The following TTC23 variants were observed in gnomAD, a reference collection of about 807,000 sequenced individuals.
TTC23 encodes tetratricopeptide repeat domain 23.
Under a neutral mutation model 55.1 loss-of-function variants are expected in TTC23, and 58 were observed. The observed-to-expected ratio is 1.05, with a 90% CI of 0.85 to 1.31. The LOEUF (loss-of-function observed/expected upper bound fraction) is 1.31, where lower values mean the gene tolerates loss of function less well. Among genes scored for constraint, TTC23 ranks in the 50% most tolerant of loss-of-function variants. The probability of loss-of-function intolerance (pLI) is 0.00; values close to 1 mark genes in which losing one functional copy is unlikely to be tolerated. For synonymous variants in TTC23, 203 were observed against 199.9 expected, an observed-to-expected ratio of 1.02 and a Z score of -0.13; for missense variants, 516 against 534.4, an observed-to-expected ratio of 0.97 and a Z score of 0.34.
chr15:99,244,137 A>C (rs1024055137), intron 2 of TTC23, among the ~76,000 whole-genome samples: 1 of 152,206 alleles, frequency 6.6e-6, no homozygotes, highest in Non-Finnish European at 1.5e-5. Flanking sequence ...ATTAAAAATT[A>C]AAAAACAAAA....
chr15:99,162,130 G>A (rs953021435), intron 10 of TTC23, among the ~76,000 whole-genome samples: 3 of 152,114 alleles, frequency 2.0e-5, no homozygotes, highest in African/African-American at 7.2e-5. Context: ...TGCAAAAGAA[G>A]AAACTATGCC....
intron 9 of TTC23, among the ~76,000 whole-genome samples, chr15:99,183,612 T>C (rs2074381223): frequency 6.6e-6 from 1 of 151,312 alleles, no homozygotes; most frequent in Non-Finnish European, 1.5e-5. Context: ...GTGCTGGGAT[T>C]ACAAGCATGA....
chr15:99,179,839 C>T (rs948642585), intron 9 of TTC23, among the ~76,000 whole-genome samples: 2 of 152,310 alleles, frequency 1.3e-5, no homozygotes, highest in South Asian at 2.1e-4. Flanking sequence ...GATTGAGAAC[C>T]ACAGCACATG....
At chr15:99,182,781 A>C (rs905063542) in intron 9 of TTC23, among the ~76,000 whole-genome samples, 2 of 152,010 alleles carry the variant, frequency 1.3e-5, no homozygotes, top group African/African-American at 4.8e-5. Flanking sequence ...CTTGATTTTT[A>C]AAAAACAAAG....
chr15:99,240,974 A>G (rs1257623382), intron 3 of TTC23, among the ~76,000 whole-genome samples: 1 of 152,168 alleles, frequency 6.6e-6, no homozygotes, highest in East Asian at 1.9e-4. Context: ...CTTTAAATGT[A>G]TGTGTTTCAA....
chr15:99,200,139 GA>G (rs774241128), intron 8 of TTC23, 43 bp from the exon 9 acceptor site: 3 of 1,447,608 alleles, frequency 2.1e-6, no homozygotes, highest in Non-Finnish European at 1.8e-6. Flanking sequence ...AATTAAAATA[GA>G]AAATACTGAA....
rs1354634824 is a variant in TTC23, at chr15:99,154,382, C to A, written c.1143+1766G>T. On this transcript the variant is annotated intron_variant, in intron 12 of 13. Transcript: ENST00000394132. ...TGGAAACTTAATCCAAAATGCAACA[C>A]CGTTGAGAGATGCAGCCTAATGAGA... Among the ~76,000 whole-genome samples, 41 of 152,158 alleles carry A rather than the reference C, an allele frequency of 2.7e-4. 2 individuals carry two copies. The highest frequency in any genetic ancestry group is 2.0e-3 in the Admixed American group (31 of 15,274).
intron 9 of TTC23, among the ~76,000 whole-genome samples, chr15:99,177,801 C>T (rs2073733665): frequency 6.6e-6 from 1 of 152,140 alleles, no homozygotes; most frequent in African/African-American, 2.4e-5. Flanking sequence ...TCAATAATTA[C>T]ATGTTCTGAA....
chr15:99,167,541 G>T (rs2072297101), intron 10 of TTC23, among the ~76,000 whole-genome samples: 1 of 152,074 alleles, frequency 6.6e-6, no homozygotes, highest in Non-Finnish European at 1.5e-5. Context: ...GTGGTTTGAT[G>T]TCTCTCCAGA....
intron 4 of TTC23, among the ~76,000 whole-genome samples, chr15:99,233,180 G>A (rs1054044753): frequency 6.6e-6 from 1 of 152,190 alleles, no homozygotes; most frequent in Non-Finnish European, 1.5e-5. Flanking sequence ...GGTGACTACT[G>A]TATTGTTTCC....
At chr15:99,188,076 A>G (rs2074892665) in intron 9 of TTC23, among the ~76,000 whole-genome samples, 1 of 152,092 alleles carries the variant, frequency 6.6e-6, no homozygotes, top group African/African-American at 2.4e-5. Flanking sequence ...TAATAGCCCA[A>G]AACTGGAAGC....
chr15:99,157,753 A>C (rs2151886195), intron 11 of TTC23: 1 of 152,328 alleles, frequency 6.6e-6, no homozygotes, highest in East Asian at 1.9e-4. Context: ...AAAATTATGA[A>C]TTGGTCAGGA....
chr15:99,145,430 TTGG>T (rs2068729737), intron 12 of TTC23: 1 of 152,042 alleles, frequency 6.6e-6, no homozygotes, highest in African/African-American at 2.4e-5. Context: ...CCGGAGGGCC[TTGG>T]TGGTGGTCGA....
intron 4 of TTC23, among the ~76,000 whole-genome samples, chr15:99,231,319 G>A (rs1399125113): frequency 6.6e-6 from 1 of 152,124 alleles, no homozygotes; most frequent in African/African-American, 2.4e-5. Context: ...CCTCAGGCAG[G>A]TCCTTCAAGA....
intron 8 of TTC23, among the ~76,000 whole-genome samples, chr15:99,208,785 A>T: frequency 6.6e-6 from 1 of 152,252 alleles, no homozygotes; most frequent in East Asian, 1.9e-4. Flanking sequence ...ACTAAATTAT[A>T]GTCTTACATC....
chr15:99,231,879 A>G (rs1359834974), intron 4 of TTC23, among the ~76,000 whole-genome samples: 7 of 137,358 alleles, frequency 5.1e-5, no homozygotes, highest in Admixed American at 7.3e-5. Flanking sequence ...CGCAACCTCT[A>G]CCCCCCAGGT....
At chr15:99,193,220 T>C (rs1164248796) in intron 9 of TTC23, among the ~76,000 whole-genome samples, 3 of 152,194 alleles carry the variant, frequency 2.0e-5, no homozygotes, top group Admixed American at 6.5e-5. Flanking sequence ...TGGAGGACTG[T>C]TGGGAAGGCA....
chr15:99,137,702 C>T lies in TTC23; in HGVS notation c.*308G>A, dbSNP rs950415284. On this transcript the variant is annotated 3_prime_UTR_variant, in exon 14 of 14. Coordinates refer to ENST00000394132, the MANE Select transcript of TTC23 (RefSeq NM_001288615.3). ...ATGCCGGGCTGACTCCTGCACAGGGCGCACTGAACTGTTGAAGAGAAGTTT... is the reference window on the plus strand; with the variant it reads ...ATGCCGGGCTGACTCCTGCACAGGGTGCACTGAACTGTTGAAGAGAAGTTT... 1.2e-5 allele frequency: 4 copies of T among 338,726 alleles called. No individual in the cohort carries two copies. The highest frequency in any genetic ancestry group is 4.0e-5 in the Admixed American group (1 of 25,272). The allele number at this position is 338,726 out of a possible 1,614,324, so 21.0% of individuals were successfully genotyped here.
At chr15:99,170,613 T>TGTGAG (rs2072787608) in intron 10 of TTC23, among the ~76,000 whole-genome samples, 1 of 152,226 alleles carries the variant, frequency 6.6e-6, no homozygotes, top group South Asian at 2.1e-4. Context: ...GGGATTTGGT[T>TGTGAG]GCCCCTTAGT....
Sources: allele counts gnomAD v4.1 joint callset (sites outside exome capture counted in the v4.1 genomes callset), GRCh38; gene constraint gnomAD v4.1.1; transcripts MANE v1.5; gene names NCBI Gene and HGNC (gene_info 2026-07-23, HGNC 2026-07-21).